The following MAST3 variants were observed in gnomAD, a reference collection of about 807,000 sequenced individuals.
The protein encoded by MAST3 is microtubule associated serine/threonine kinase 3.
MAST3 carries 43 observed loss-of-function variants against 127.0 expected under a neutral mutation model. The observed-to-expected ratio is 0.34, with a 90% CI of 0.27 to 0.44. MAST3 has a LOEUF of 0.44. MAST3 is among the 20% of genes least tolerant of loss of function. The probability of loss-of-function intolerance (pLI) is 1.00; values close to 1 mark genes in which losing one functional copy is unlikely to be tolerated. For missense variants in MAST3, 1,390 were observed against 1,919.1 expected (o/e 0.72, Z 5.15); for synonymous variants, 785 against 809.2 (o/e 0.97, Z 0.51).
At position 18,144,943 on chromosome 19, in the gene MAST3, G is replaced by C; in HGVS notation, c.2813-60G>C. Reference sequence around the variant, plus strand: ...CCAGGGTGGTCGTTGTGGTGGGAAAGAGGGGGCCCCAGGGGAGACCTGTGA... The same window carrying C: ...CCAGGGTGGTCGTTGTGGTGGGAAACAGGGGGCCCCAGGGGAGACCTGTGA... On this transcript the variant is annotated intron_variant, in intron 23 of 27. Coordinates refer to ENST00000687212, the MANE Select transcript of MAST3 (RefSeq NM_001393504.1). This position sits in a 1 kb window ranked among gnomAD's most constrained non-coding sequence, Gnocchi z 4.0. 1.0e-6 allele frequency: 1 copy of C among 998,360 alleles called. No individual in the cohort carries two copies. Among genetic ancestry groups the C allele is most frequent in the South Asian group, 1.3e-5 (1 of 75,666 alleles). The allele number at this position is 998,360 out of a possible 1,614,324, so 61.8% of individuals were successfully genotyped here.
At chr19:18,142,421 G>A (rs901999534) in intron 21 of MAST3, among the ~76,000 whole-genome samples, 3 of 141,968 alleles carry the variant, frequency 2.1e-5, no homozygotes, top group East Asian at 2.1e-4. Flanking sequence ...GCGCAATCTC[G>A]GCTCACTGCA....
intron 3 of MAST3, chr19:18,117,990 T>C (rs1354480913): frequency 2.3e-6 from 1 of 435,670 alleles, no homozygotes; most frequent in Admixed American, 6.4e-5. Flanking sequence ...CGCACTCGCC[T>C]GGGCGGAGTT....
At chr19:18,126,136 C>A (rs1200212689) in intron 11 of MAST3, among the ~76,000 whole-genome samples, 1 of 151,920 alleles carries the variant, frequency 6.6e-6, no homozygotes, top group East Asian at 1.9e-4. Flanking sequence ...GTGGGAAGAT[C>A]GCTTGAGCTT....
chr19:18,149,600 C>A lies in MAST3; in HGVS notation c.3918C>A (p.Ala1306=), dbSNP rs574162186. 8 of 1,611,910 alleles carry A rather than the reference C, an allele frequency of 5.0e-6. No individual in the cohort carries two copies. The Admixed American group carries it at 5.0e-5, about 10-fold the overall frequency. Residue 1306 remains alanine (A), a synonymous_variant, in exon 28 of 28, where the codon GCC becomes GCA. Transcript: ENST00000687212. The surrounding 1 kb of genome is among the most constrained non-coding windows in gnomAD (Gnocchi z 5.9). ...ERRDSFKKQE[A]VQEVSFDEPQ... ...GAGACTCCTTCAAGAAGCAGGAGGCCGTGCAGGAGGTTAGCTTCGATGAGC... is the reference window on the plus strand; with the variant it reads ...GAGACTCCTTCAAGAAGCAGGAGGCAGTGCAGGAGGTTAGCTTCGATGAGC...
intron 17 of MAST3, 127 bp from the exon 18 acceptor site, chr19:18,135,613 G>A (rs561110399): frequency 2.5e-5 from 17 of 691,334 alleles, no homozygotes; most frequent in Middle Eastern, 2.6e-4. Context: ...AGCCTGCCAC[G>A]TTGCAGGGGC....
intron 20 of MAST3, 41 bp downstream of exon 20, chr19:18,139,165 T>A: frequency 7.3e-7 from 1 of 1,363,812 alleles, no homozygotes; most frequent in Non-Finnish European, 1.0e-6. Flanking sequence ...TCAGAAAACA[T>A]TGCATGATGT....
chr19:18,102,325 A>G (rs2037707654), intron 1 of MAST3, among the ~76,000 whole-genome samples: 1 of 151,888 alleles, frequency 6.6e-6, no homozygotes, highest in African/African-American at 2.4e-5. Flanking sequence ...GATTACAGGC[A>G]TGCGCCACCA....
chr19:18,108,089 A>G (rs11666424), intron 2 of MAST3, among the ~76,000 whole-genome samples: 36,225 of 151,954 alleles, frequency 0.24, 4,386 homozygotes, highest in Non-Finnish European at 0.27. Context: ...CCAGAAGTTC[A>G]AGATCAGCCT....
intron 3 of MAST3, among the ~76,000 whole-genome samples, chr19:18,115,481 A>T (rs1006304634): frequency 6.6e-6 from 1 of 151,762 alleles, no homozygotes; most frequent in Non-Finnish European, 1.5e-5. Flanking sequence ...GCAAGTGGAG[A>T]CTGTGGCCCC....
chr19:18,145,659 G>T lies in MAST3; in HGVS notation c.3040-84G>T. On this transcript the variant is annotated intron_variant, in intron 24 of 27. Transcript: ENST00000687212. The surrounding 1 kb of genome is among the most constrained non-coding windows in gnomAD (Gnocchi z 5.9). ...AGCACAAGAGGCAGCAGCTTGCTGG[G>T]GTCCCACAGCAGACCCAGCCTGGGC... The T allele has an allele frequency of 1.4e-6, 2 of 1,435,946 alleles. No homozygotes were observed. The highest frequency in any genetic ancestry group is 9.2e-7 in the Non-Finnish European group (1 of 1,086,716). The allele number at this position is 1,435,946 out of a possible 1,614,324, so 89.0% of individuals were successfully genotyped here. A position where few individuals can be genotyped will look rare whatever the true frequency, so the allele number is the denominator to read the frequency against.
chr19:18,147,042 G>A lies in MAST3; in HGVS notation c.3324G>A (p.Glu1108=). 6.4e-7 allele frequency: 1 copy of A among 1,563,022 alleles called. No homozygotes were observed. Among genetic ancestry groups the A allele is most frequent in the Non-Finnish European group, 8.7e-7 (1 of 1,153,600 alleles). ...QDRCAAVTTR[E]RRKSLFKKIS... ...GGTGCGCGGCAGTGACCACCAGGGA[G>A]CGGTACACAGGGGGCGGGGCCACGG... The change falls in exon 26 of 28, where the codon GAG becomes GAA. Residue 1108 remains glutamate, a splice_region_variant and synonymous_variant. Transcript: ENST00000687212.
intron 6 of MAST3, 135 bp from the exon 7 acceptor site, chr19:18,123,082 T>C: frequency 1.1e-6 from 1 of 943,352 alleles, no homozygotes; most frequent in Non-Finnish European, 1.7e-6. Flanking sequence ...GAGGGATGCA[T>C]AGGAGCTAGG....
chr19:18,141,377 C>CTTTCTTTTTTTT (rs60206673), intron 20 of MAST3, among the ~76,000 whole-genome samples: 1 of 122,772 alleles, frequency 8.1e-6, no homozygotes. Flanking sequence ...AGCCAGCTTT[C>CTTTCTTTTTTTT]TTTTTTTTTT....
At chr19:18,132,358 T>C (rs988648126) in intron 15 of MAST3, among the ~76,000 whole-genome samples, 1 of 152,176 alleles carries the variant, frequency 6.6e-6, no homozygotes, top group Non-Finnish European at 1.5e-5. Context: ...ATGCACACAC[T>C]GTATACAGGA....
chr19:18,126,844 G>A (rs954369061), intron 11 of MAST3, among the ~76,000 whole-genome samples: 11 of 151,790 alleles, frequency 7.2e-5, no homozygotes, highest in African/African-American at 1.7e-4. Context: ...GCAGTGGCAC[G>A]ATCTTGGCTC....
At position 18,150,588 on chromosome 19, in the gene MAST3, C is replaced by T. The variant is rs1314842241; in HGVS notation, c.*862C>T. The T allele has an allele frequency of 6.6e-6, 1 of 152,282 alleles. No individual in the cohort carries two copies. The highest frequency in any genetic ancestry group is 2.4e-5 in the African/African-American group (1 of 41,470). The allele number at this position is 152,282 out of a possible 1,614,324, so 9.4% of individuals were successfully genotyped here. A position where few individuals can be genotyped will look rare whatever the true frequency, so the allele number is the denominator to read the frequency against. On this transcript the variant is annotated 3_prime_UTR_variant, in exon 28 of 28. Transcript: ENST00000687212. Reference sequence around the variant, plus strand: ...AACCTGGAGTGTCCGTAAACAATTCCTCTCACCCACAAAACAATGTAATCC... The same window carrying T: ...AACCTGGAGTGTCCGTAAACAATTCTTCTCACCCACAAAACAATGTAATCC...
At position 18,127,898 on chromosome 19, in the gene MAST3, G is replaced by C. The variant is rs2040839098; in HGVS notation, c.1079-502G>C. Among the ~76,000 whole-genome samples, 3 of 152,280 alleles carry C rather than the reference G, an allele frequency of 2.0e-5. No individual in the cohort carries two copies. In the South Asian group the frequency reaches 6.2e-4, roughly 32 times the overall value. On this transcript the variant is annotated intron_variant, in intron 11 of 27. Transcript: ENST00000687212. ...AATAATCATACTAATAAAAAATAAA[G>C]CTGAGGAAACTGAGGCTCCAGGCAG...
chr19:18,129,830 T>C (rs966468950), intron 13 of MAST3, among the ~76,000 whole-genome samples: 1 of 150,282 alleles, frequency 6.7e-6, no homozygotes, highest in Non-Finnish European at 1.5e-5. Context: ...GAGGCTGAAG[T>C]TGGAGGATCA....
intron 5 of MAST3, among the ~76,000 whole-genome samples, chr19:18,122,404 A>G (rs1000191428): frequency 2.0e-5 from 3 of 150,690 alleles, no homozygotes; most frequent in East Asian, 2.0e-4. Context: ...GGGGTGGTCA[A>G]TGTGTGCCCC....
Sources: allele counts gnomAD v4.1 joint callset (sites outside exome capture counted in the v4.1 genomes callset), GRCh38; gene constraint gnomAD v4.1.1; non-coding constraint Gnocchi (gnomAD v3.1); transcripts MANE v1.5; gene names NCBI Gene and HGNC (gene_info 2026-07-23, HGNC 2026-07-21).